Variants in ANKS1A observed in about 807,000 individuals in gnomAD.
The protein encoded by ANKS1A is ankyrin repeat and sterile alpha motif domain containing 1A.
In ANKS1A, 55 loss-of-function variants were observed where a neutral mutation model predicts 120.3. That is an observed-to-expected ratio of 0.46 (90% CI 0.37 to 0.57). The LOEUF (loss-of-function observed/expected upper bound fraction) is 0.57. ANKS1A is among the 20% of genes least tolerant of loss of function. The pLI is 0.00. For synonymous variants in ANKS1A, 590 were observed against 604.7 expected (o/e 0.98, Z 0.36); for missense variants, 1,123 against 1,480.3 (o/e 0.76, Z 3.96).
At chr6:35,077,965 C>G (rs1392198080) in intron 13 of ANKS1A, among the ~76,000 whole-genome samples, 1 of 152,200 alleles carries the variant, frequency 6.6e-6, no homozygotes, top group Non-Finnish European at 1.5e-5. Context: ...TGTGCCTCTC[C>G]ACCCTCAGCT....
intron 13 of ANKS1A, among the ~76,000 whole-genome samples, chr6:35,075,708 T>C (rs1166213069): frequency 6.6e-6 from 1 of 152,158 alleles, no homozygotes; most frequent in African/African-American, 2.4e-5. Flanking sequence ...CCACCGCGCC[T>C]GGCCAAAAGG....
At chr6:34,890,029 T>G (rs180782065) in intron 1 of ANKS1A, among the ~76,000 whole-genome samples, 99 of 152,014 alleles carry the variant, frequency 6.5e-4, no homozygotes, top group African/African-American at 2.3e-3. Context: ...CTGGAGGAAA[T>G]TCTATTGATT....
chr6:35,018,462 G>A (rs1774158234), intron 11 of ANKS1A, among the ~76,000 whole-genome samples: 1 of 152,132 alleles, frequency 6.6e-6, no homozygotes, highest in South Asian at 2.1e-4. Flanking sequence ...GTTGAGAGGT[G>A]TGAGGGGTGT....
intron 1 of ANKS1A, among the ~76,000 whole-genome samples, chr6:34,916,991 A>G (rs1360547057): frequency 1.3e-5 from 2 of 152,166 alleles, no homozygotes; most frequent in Non-Finnish European, 2.9e-5. Flanking sequence ...ACATGGTATA[A>G]TAGAGTAGAA....
At chr6:34,890,067 C>T (rs977936978) in intron 1 of ANKS1A, among the ~76,000 whole-genome samples, 4 of 151,976 alleles carry the variant, frequency 2.6e-5, no homozygotes, top group Non-Finnish European at 5.9e-5. Flanking sequence ...TGGAACCTTC[C>T]ACCAGGCTAC....
chr6:34,961,594 C>T (rs1770643613), intron 1 of ANKS1A, among the ~76,000 whole-genome samples: 2 of 152,052 alleles, frequency 1.3e-5, no homozygotes, highest in South Asian at 2.1e-4. Flanking sequence ...ACCTTTAAAC[C>T]AGTCATGGAG....
chr6:34,947,044 C>G (rs116205291), intron 1 of ANKS1A, among the ~76,000 whole-genome samples: 2,014 of 150,304 alleles, frequency 0.013, 19 homozygotes, highest in African/African-American at 0.02. Flanking sequence ...AATGCAAATT[C>G]TTATTTTACT....
At chr6:35,052,503 C>T (rs961099614) in intron 11 of ANKS1A, among the ~76,000 whole-genome samples, 3 of 147,160 alleles carry the variant, frequency 2.0e-5, no homozygotes, top group Non-Finnish European at 4.5e-5. Context: ...ACCTACCTGT[C>T]GTCGTCGTCT....
chr6:34,944,615 C>G (rs1021046910), intron 1 of ANKS1A, among the ~76,000 whole-genome samples: 8 of 152,074 alleles, frequency 5.3e-5, no homozygotes, highest in African/African-American at 1.7e-4. Flanking sequence ...GGGACTGGTT[C>G]CAGGACTCTC....
In ANKS1A at chr6:34,981,908, T is replaced by G; in HGVS notation, c.654T>G (p.Pro218=). The change falls in exon 4 of 24, where the codon CCT becomes CCG. Residue 218 remains proline, a synonymous_variant. Transcript: ENST00000360359. ...LLSCNTKKHT[P]LHLAARNGHK... Reference sequence around the variant, plus strand: ...GCTGCAACACTAAGAAGCACACCCCTCTGCACTTGGCAGCAAGGAATGGCC... The same window carrying G: ...GCTGCAACACTAAGAAGCACACCCCGCTGCACTTGGCAGCAAGGAATGGCC... 1 of 1,614,142 alleles carries G rather than the reference T, an allele frequency of 6.2e-7. No homozygotes were observed. The highest frequency in any genetic ancestry group is 8.5e-7 in the Non-Finnish European group (1 of 1,180,016).
chr6:34,900,033 A>G (rs1767271000), intron 1 of ANKS1A, among the ~76,000 whole-genome samples: 1 of 152,248 alleles, frequency 6.6e-6, no homozygotes, highest in Non-Finnish European at 1.5e-5. Context: ...TCACTTCTTG[A>G]GCACTTAATA....
Position 35,044,445 on chromosome 6 carries a change from CA to C in ANKS1A, c.2011-9653del, listed in dbSNP as rs1775621406. Among the ~76,000 whole-genome samples, 1 of 152,212 alleles carries C rather than the reference CA, an allele frequency of 6.6e-6. No individual in the cohort carries two copies. Among genetic ancestry groups the C allele is most frequent in the Non-Finnish European group, 1.5e-5 (1 of 68,034 alleles). Reference sequence around the variant, plus strand: ...CCTGCAGACTCTGCCCTGTGGGAGCCAGCTCTGTCTGAGGTGAGGGAGTAGA... The same window carrying C: ...CCTGCAGACTCTGCCCTGTGGGAGCCGCTCTGTCTGAGGTGAGGGAGTAGA... On this transcript the variant is annotated intron_variant, in intron 11 of 23. Transcript: ENST00000360359. This position sits in a 1 kb window ranked among gnomAD's most constrained non-coding sequence, Gnocchi z 4.4.
chr6:34,988,082 C>T (rs1772303046), intron 8 of ANKS1A, among the ~76,000 whole-genome samples: 1 of 152,212 alleles, frequency 6.6e-6, no homozygotes, highest in African/African-American at 2.4e-5. Flanking sequence ...TCTAACTTAT[C>T]CTGTGTCACC....
chr6:34,941,714 C>T (rs774129919), intron 1 of ANKS1A, among the ~76,000 whole-genome samples: 1 of 152,224 alleles, frequency 6.6e-6, no homozygotes, highest in Admixed American at 6.5e-5. Flanking sequence ...ACACTCCTGA[C>T]ATTCCTTGGG....
intron 1 of ANKS1A, among the ~76,000 whole-genome samples, chr6:34,963,484 G>A (rs953981881): frequency 2.0e-5 from 3 of 152,170 alleles, no homozygotes; most frequent in Non-Finnish European, 4.4e-5. Flanking sequence ...GTATGTCATT[G>A]TTTATATATA....
intron 3 of ANKS1A, among the ~76,000 whole-genome samples, chr6:34,975,315 G>A (rs570790618): frequency 6.6e-6 from 1 of 152,160 alleles, no homozygotes; most frequent in South Asian, 2.1e-4. Context: ...TTAGCTGGAT[G>A]TGGTGGCATG....
intron 10 of ANKS1A, among the ~76,000 whole-genome samples, chr6:35,014,235 C>A (rs1773900720): frequency 2.0e-5 from 3 of 152,182 alleles, no homozygotes; most frequent in Admixed American, 2.0e-4. Context: ...ACAAGAACAC[C>A]AGCCTTAGGG....
In ANKS1A at chr6:35,078,637, C is replaced by T. The variant is rs372972200; in HGVS notation, c.2264C>T (p.Ala755Val). 4.1e-5 allele frequency: 65 copies of T among 1,603,056 alleles called. No individual in the cohort carries two copies. Among genetic ancestry groups the T allele is most frequent in the Non-Finnish European group, 5.2e-5 (61 of 1,179,888 alleles). ...DPQHRRKLLQAARSLPKVKAL... is the reference protein window; with the variant it reads ...DPQHRRKLLQVARSLPKVKAL... ...CAGCACCGGCGGAAGCTGCTCCAGG[C>T]GGCACGCTCCCTACCCAAGGTGACC... Residue 755 changes from alanine (A) to valine (V), a missense_variant, in exon 14 of 24, where the codon GCG (alanine) becomes GTG (valine). By Grantham distance (64) the Ala-to-Val change is moderately conservative. Around this residue, in one of 3 missense-constraint regions of ANKS1A, gnomAD observed 904 missense variants for 1,130.4 expected, o/e 0.80. Coordinates refer to ENST00000360359, the MANE Select transcript of ANKS1A (RefSeq NM_015245.3).
the ANKS1A span, among the ~76,000 whole-genome samples, chr6:35,096,498 T>C: frequency 1.1e-4 from 17 of 152,352 alleles, no homozygotes; most frequent in East Asian, 2.9e-3. Flanking sequence ...TTAAAAGTAT[T>C]GTGAACACTA....
Sources: gnomAD v4.1 joint callset for allele counts (sites outside exome capture counted in the v4.1 genomes callset) on GRCh38, gnomAD v4.1.1 for gene constraint, gnomAD v4.1.1 regional missense constraint, Gnocchi (gnomAD v3.1) non-coding constraint, MANE v1.5 for transcripts, NCBI Gene and HGNC (gene_info 2026-07-23, HGNC 2026-07-21) for gene names.